Variants in DSCAM observed in about 807,000 individuals in gnomAD.
DSCAM encodes DS cell adhesion molecule, also known as cell adhesion molecule DSCAM.
A neutral mutation model predicts 217.7 loss-of-function variants in DSCAM; 47 were observed. The ratio of observed to expected loss-of-function variants is 0.22; its 90% CI spans 0.17 to 0.28. DSCAM has a LOEUF of 0.28. Among genes scored for constraint, DSCAM ranks in the 10% least tolerant of loss-of-function variants. DSCAM has a pLI of 1.00. For missense variants in DSCAM, 2,080 were observed against 2,618.3 expected (o/e 0.79, Z 4.49); for synonymous variants, 1,056 against 1,015.3 (o/e 1.04, Z -0.76).
intron 11 of DSCAM, among the ~76,000 whole-genome samples, chr21:40,211,788 T>C (rs569502365): frequency 2.6e-5 from 4 of 152,200 alleles, no homozygotes; most frequent in South Asian, 4.1e-4. Context: ...ACTCTGCTAA[T>C]AGGCACTTTT....
chr21:40,475,786 G>A (rs555977728), intron 3 of DSCAM, among the ~76,000 whole-genome samples: 7 of 152,196 alleles, frequency 4.6e-5, no homozygotes, highest in East Asian at 1.9e-4. Context: ...AGCCTAGATC[G>A]TGCCGTCGCA....
At chr21:40,698,849 G>A (rs1465808895) in intron 2 of DSCAM, among the ~76,000 whole-genome samples, 13 of 138,770 alleles carry the variant, frequency 9.4e-5, no homozygotes, top group African/African-American at 1.4e-4. Flanking sequence ...CAGCCTGGGC[G>A]ACAGAGCGAG....
intron 10 of DSCAM, among the ~76,000 whole-genome samples, chr21:40,294,464 C>T (rs148480217): frequency 6.6e-6 from 1 of 152,288 alleles, no homozygotes; most frequent in African/African-American, 2.4e-5. Context: ...ATTTACCCAC[C>T]CATACTGTTG....
chr21:40,815,174 A>T (rs2091869896), intron 1 of DSCAM, among the ~76,000 whole-genome samples: 1 of 152,100 alleles, frequency 6.6e-6, no homozygotes, highest in Admixed American at 6.6e-5. Context: ...GTTCCCAAAG[A>T]AAAAAGGTAA....
chr21:40,717,473 A>T (rs950027353), intron 1 of DSCAM, among the ~76,000 whole-genome samples: 3 of 152,262 alleles, frequency 2.0e-5, no homozygotes, highest in Non-Finnish European at 4.4e-5. Context: ...AATGCGGCTT[A>T]GCCTTACAAT....
At chr21:40,145,375 A>G (rs1286435326) in intron 16 of DSCAM, among the ~76,000 whole-genome samples, 6 of 152,138 alleles carry the variant, frequency 3.9e-5, no homozygotes, top group African/African-American at 1.4e-4. Context: ...ACCCAATAGG[A>G]AGGTAATCTC....
chr21:40,421,424 T>C (rs2075423008), intron 3 of DSCAM, among the ~76,000 whole-genome samples: 1 of 152,242 alleles, frequency 6.6e-6, no homozygotes, highest in African/African-American at 2.4e-5. Flanking sequence ...CATGAGTTCA[T>C]TCTGCAAACT....
At chr21:40,412,965 C>A (rs1044299995) in intron 3 of DSCAM, among the ~76,000 whole-genome samples, 6 of 152,204 alleles carry the variant, frequency 3.9e-5, no homozygotes, top group East Asian at 1.9e-4. Flanking sequence ...TGAAAGGGAC[C>A]AACATAGAGC....
intron 1 of DSCAM, among the ~76,000 whole-genome samples, chr21:40,712,933 T>A (rs150665250): frequency 4.2e-3 from 641 of 152,252 alleles, no homozygotes; most frequent in Non-Finnish European, 6.5e-3. Flanking sequence ...AAAGCCTACA[T>A]ACTGATGTGA....
intron 1 of DSCAM, among the ~76,000 whole-genome samples, chr21:40,711,883 C>A (rs1467680414): frequency 1.3e-5 from 2 of 152,176 alleles, no homozygotes; most frequent in Non-Finnish European, 2.9e-5. Flanking sequence ...TCCCAGGAGG[C>A]CTTCTGCATG....
At chr21:40,304,936 T>C (rs557970984) in intron 9 of DSCAM, among the ~76,000 whole-genome samples, 35 of 152,200 alleles carry the variant, frequency 2.3e-4, no homozygotes, top group African/African-American at 6.5e-4. Context: ...GACATAATAA[T>C]AATGATAAAG....
At chr21:40,751,675 G>A (rs938299248) in intron 1 of DSCAM, among the ~76,000 whole-genome samples, 10 of 152,132 alleles carry the variant, frequency 6.6e-5, no homozygotes, top group African/African-American at 2.4e-4. Context: ...AGGAGTTCAG[G>A]AGAGGGGTTC....
intron 3 of DSCAM, among the ~76,000 whole-genome samples, chr21:40,662,008 T>G (rs2090143353): frequency 6.6e-6 from 1 of 152,260 alleles, no homozygotes; most frequent in Admixed American, 6.5e-5. Flanking sequence ...ATTGAACACA[T>G]AGGGTTAGAG....
chr21:40,079,153 C>A (rs571806575), intron 25 of DSCAM, among the ~76,000 whole-genome samples, 176 bp from the exon 26 acceptor site: 2 of 152,198 alleles, frequency 1.3e-5, no homozygotes, highest in Non-Finnish European at 2.9e-5. Context: ...GACCAACAGG[C>A]TTTCTCCAAC....
chr21:40,269,609 C>T (rs893770153), intron 11 of DSCAM, among the ~76,000 whole-genome samples: 1 of 152,182 alleles, frequency 6.6e-6, no homozygotes, highest in African/African-American at 2.4e-5. Flanking sequence ...TTCTGGGGGC[C>T]ATAAGTCCAA....
chr21:40,338,465 T>A, intron 7 of DSCAM, 89 bp from the exon 8 acceptor site: 1 of 1,336,680 alleles, frequency 7.5e-7, no homozygotes, highest in Non-Finnish European at 1.0e-6. Context: ...GTTAAAAATG[T>A]AGATTATATT....
intron 15 of DSCAM, among the ~76,000 whole-genome samples, chr21:40,173,582 C>T (rs760743792): frequency 6.6e-5 from 10 of 152,122 alleles, no homozygotes; most frequent in Non-Finnish European, 1.3e-4. Context: ...GCATTTGACT[C>T]TTACTGAAGA....
At chr21:40,839,637 T>A (rs994269524) in intron 1 of DSCAM, among the ~76,000 whole-genome samples, 2 of 142,100 alleles carry the variant, frequency 1.4e-5, no homozygotes, top group Non-Finnish European at 3.0e-5. Flanking sequence ...GTTGGTATGC[T>A]TTTTTTTTTG....
intron 3 of DSCAM, among the ~76,000 whole-genome samples, chr21:40,461,015 G>C (rs2075801407): frequency 6.6e-6 from 1 of 152,122 alleles, no homozygotes; most frequent in Admixed American, 6.5e-5. Flanking sequence ...ATCAGTTACA[G>C]CCCTGTTCAT....
Sources: allele counts gnomAD v4.1 joint callset (sites outside exome capture counted in the v4.1 genomes callset), GRCh38; gene constraint gnomAD v4.1.1; transcripts MANE v1.5; gene names NCBI Gene and HGNC (gene_info 2026-07-23, HGNC 2026-07-21).